The following SP4 variants were observed in gnomAD, a reference collection of about 807,000 sequenced individuals.
SP4 encodes the protein Sp4 transcription factor.
A neutral mutation model predicts 72.8 loss-of-function variants in SP4; 19 were observed. That is an observed-to-expected ratio of 0.26 (90% CI 0.18 to 0.38). SP4 has a LOEUF of 0.38. Ranked by LOEUF, SP4 falls within the 10% of genes least tolerant of loss-of-function variation. The probability of loss-of-function intolerance (pLI) is 1.00; values close to 1 mark genes in which losing one functional copy is unlikely to be tolerated. For synonymous variants in SP4, 395 were observed against 333.1 expected, an observed-to-expected ratio of 1.19 and a Z score of -2.02; for missense variants, 1,008 against 926.3, an observed-to-expected ratio of 1.09 and a Z score of -1.14.
intron 3 of SP4, among the ~76,000 whole-genome samples, chr7:21,462,097 C>A (rs1784012062): frequency 6.9e-6 from 1 of 144,212 alleles, no homozygotes; most frequent in Non-Finnish European, 1.5e-5. Flanking sequence ...GTGATCTTGG[C>A]TTGCTGCAAC....
chr7:21,488,557 G>C (rs1359748779), intron 5 of SP4, among the ~76,000 whole-genome samples: 15 of 150,018 alleles, frequency 1.0e-4, no homozygotes, highest in African/African-American at 3.2e-4. Flanking sequence ...TCAGTGGGGA[G>C]AATAAACAAA....
At chr7:21,451,692 C>T (rs915934945) in intron 3 of SP4, among the ~76,000 whole-genome samples, 1 of 152,098 alleles carries the variant, frequency 6.6e-6, no homozygotes, top group South Asian at 2.1e-4. Flanking sequence ...AGAAGGGTGA[C>T]TCTTGGATAT....
At chr7:21,506,640 G>C (rs963057409) in intron 5 of SP4, among the ~76,000 whole-genome samples, 1 of 152,102 alleles carries the variant, frequency 6.6e-6, no homozygotes, top group Non-Finnish European at 1.5e-5. Flanking sequence ...AAGACCCTCT[G>C]AGTTTGCCTC....
chr7:21,491,271 A>T lies in SP4; in HGVS notation c.2107+9148A>T, dbSNP rs147236791. ...TAGATTTAGAAAAATACAATATTAA[A>T]AGTAAGTTTATCAGATGCTCAGTAG... is the stretch of plus-strand genomic sequence containing the variant. On this transcript the variant is annotated intron_variant, in intron 5 of 5. Transcript: ENST00000222584. 1.5e-4 allele frequency among the ~76,000 whole-genome samples: 23 copies of T among 152,324 alleles called. No individual in the cohort carries two copies. The East Asian group carries it at 4.2e-3, about 28-fold the overall frequency.
intron 5 of SP4, among the ~76,000 whole-genome samples, chr7:21,484,068 G>A (rs1252015840): frequency 6.6e-6 from 1 of 151,604 alleles, no homozygotes; most frequent in African/African-American, 2.4e-5. Context: ...TTTAAGATTA[G>A]AAAGTAGTAT....
At chr7:21,466,715 A>T (rs964601067) in intron 3 of SP4, among the ~76,000 whole-genome samples, 3 of 152,212 alleles carry the variant, frequency 2.0e-5, no homozygotes, top group Non-Finnish European at 4.4e-5. Flanking sequence ...ATCTACAGGA[A>T]AACATGTCAT....
chr7:21,456,627 C>CGGGT (rs1238121527), intron 3 of SP4, among the ~76,000 whole-genome samples: 1 of 152,072 alleles, frequency 6.6e-6, no homozygotes, highest in Non-Finnish European at 1.5e-5. Context: ...GGCAGTCTGG[C>CGGGT]GGGTGTGCAA....
At chr7:21,500,452 C>A (rs950162393) in intron 5 of SP4, among the ~76,000 whole-genome samples, 2 of 152,214 alleles carry the variant, frequency 1.3e-5, no homozygotes, top group African/African-American at 4.8e-5. Context: ...GGGGCCTCAG[C>A]TGGGTGCTCT....
intron 3 of SP4, among the ~76,000 whole-genome samples, chr7:21,457,364 C>T (rs988196500): frequency 6.6e-6 from 1 of 152,088 alleles, no homozygotes; most frequent in Non-Finnish European, 1.5e-5. Context: ...CGTTATACTA[C>T]CTCTGACACT....
At position 21,428,109 on chromosome 7, in the gene SP4, A is replaced by G. The variant is rs2128386699; in HGVS notation, c.-143A>G. Reference sequence around the variant, plus strand: ...CAGCCCAGCGGCGGCCATTCGCGGAAAAAGAGGCAGAGCCTGTGCCAGCTA... The same window carrying G: ...CAGCCCAGCGGCGGCCATTCGCGGAGAAAGAGGCAGAGCCTGTGCCAGCTA... On this transcript the variant is annotated 5_prime_UTR_variant, in exon 1 of 6. Transcript: ENST00000222584. The G allele has an allele frequency of 1.5e-6, 1 of 689,240 alleles. No homozygotes were observed. The highest frequency in any genetic ancestry group is 2.7e-5 in the East Asian group (1 of 36,428). The allele number at this position is 689,240 out of a possible 1,614,324, so 42.7% of individuals were successfully genotyped here. A position where few individuals can be genotyped will look rare whatever the true frequency, so the allele number is the denominator to read the frequency against.
At chr7:21,463,552 A>T (rs1464158313) in intron 3 of SP4, among the ~76,000 whole-genome samples, 2 of 152,202 alleles carry the variant, frequency 1.3e-5, no homozygotes, top group Non-Finnish European at 2.9e-5. Flanking sequence ...GGAGGGTTGG[A>T]TTGAGAGTGT....
rs2128388047 is a variant in SP4 at position 21,429,913 on chromosome 7, C to G, written c.748C>G (p.Gln250Glu). 6.2e-7 allele frequency: 1 copy of G among 1,614,166 alleles called. No individual in the cohort carries two copies. Among genetic ancestry groups the G allele is most frequent in the Non-Finnish European group, 8.5e-7 (1 of 1,180,010 alleles). The change falls in exon 3 of 6, where the codon CAG becomes GAG. Residue 250 changes from glutamine to glutamate, a missense_variant. Physicochemically the swap from Gln to Glu is conservative, Grantham distance 29 (BLOSUM62 2). Coordinates refer to ENST00000222584, the MANE Select transcript of SP4 (RefSeq NM_003112.5). Reference protein sequence around the residue: ...PLQLQTLPGTQAQVVTTLPIN... With the variant: ...PLQLQTLPGTEAQVVTTLPIN... Reference sequence around the variant, plus strand: ...GCAGTTACAGACTCTTCCTGGTACTCAGGCTCAAGTTGTAACAACCCTACC... The same window carrying G: ...GCAGTTACAGACTCTTCCTGGTACTGAGGCTCAAGTTGTAACAACCCTACC...
intron 3 of SP4, among the ~76,000 whole-genome samples, chr7:21,468,892 A>G (rs1157628027): frequency 1.3e-5 from 2 of 152,144 alleles, no homozygotes; most frequent in Non-Finnish European, 2.9e-5. Context: ...CTCATGCTCC[A>G]TGAGATGAAA....
In SP4 at chr7:21,429,403, T is replaced by C. The variant is rs1377916739; in HGVS notation, c.238T>C (p.Leu80=). 1.2e-6 allele frequency: 2 copies of C among 1,613,930 alleles called. No individual in the cohort carries two copies. The highest frequency in any genetic ancestry group is 1.7e-6 in the Non-Finnish European group (2 of 1,179,950). ...QQIIIDPSQG[L]VQLQNQPQQL... The stretch of plus-strand genomic sequence containing the variant: ...AATTATTATAGATCCAAGTCAAGGA[T>C]TGGTGCAACTTCAAAATCAACCACA... Residue 80 remains leucine (L), a synonymous_variant, in exon 3 of 6, where the codon TTG becomes CTG. Transcript: ENST00000222584.
intron 5 of SP4, among the ~76,000 whole-genome samples, chr7:21,507,886 C>T (rs547782574): frequency 2.6e-5 from 4 of 152,204 alleles, no homozygotes; most frequent in Admixed American, 1.3e-4. Context: ...ATTCTCCTCA[C>T]GGGAGAACGG....
At chr7:21,486,497 G>T (rs185109007) in intron 5 of SP4, among the ~76,000 whole-genome samples, 1 of 152,022 alleles carries the variant, frequency 6.6e-6, no homozygotes, top group African/African-American at 2.4e-5. Flanking sequence ...TCCTTTCCTT[G>T]TCTTTTATCA....
At chr7:21,508,093 A>G (rs1370118650) in intron 5 of SP4, among the ~76,000 whole-genome samples, 2 of 152,028 alleles carry the variant, frequency 1.3e-5, no homozygotes, top group Non-Finnish European at 2.9e-5. Flanking sequence ...CCTGAATAAC[A>G]GTCTCAGGTT....
intron 4 of SP4, 104 bp from the exon 5 acceptor site, chr7:21,481,820 T>G (rs1228676244): frequency 7.3e-6 from 6 of 816,398 alleles, no homozygotes; most frequent in Non-Finnish European, 1.2e-5. Context: ...ATCAAACCTA[T>G]TCAGAGAAGC....
At chr7:21,506,438 C>T (rs564331605) in intron 5 of SP4, among the ~76,000 whole-genome samples, 43 of 152,300 alleles carry the variant, frequency 2.8e-4, no homozygotes, top group African/African-American at 1.0e-3. Context: ...CCCTGTCTTT[C>T]CACACTTGTA....
Sources: allele counts gnomAD v4.1 joint callset (sites outside exome capture counted in the v4.1 genomes callset), GRCh38; gene constraint gnomAD v4.1.1; transcripts MANE v1.5; gene names NCBI Gene and HGNC (gene_info 2026-07-23, HGNC 2026-07-21).